Variants in DRC8 observed in about 807,000 individuals in gnomAD.
DRC8 encodes the protein dynein regulatory complex protein 8.
At chr1:245,080,974 T>C in the DRC8 span, among the ~76,000 whole-genome samples, 1 of 152,152 alleles carries the variant, frequency 6.6e-6, no homozygotes. Flanking sequence ...CGTATTCAGT[T>C]TCCTCTAGGT....
chr1:245,055,144 C>G, the DRC8 span, among the ~76,000 whole-genome samples: 1 of 152,182 alleles, frequency 6.6e-6, no homozygotes. Context: ...ATTATGTCAT[C>G]TCTCGAGGCT....
chr1:244,991,651 A>G, the DRC8 span, among the ~76,000 whole-genome samples: 2 of 152,320 alleles, frequency 1.3e-5, no homozygotes, highest in South Asian at 4.1e-4. Flanking sequence ...AGAGAAATAG[A>G]GCAGTAGGAG....
chr1:245,006,108 C>T, the DRC8 span, among the ~76,000 whole-genome samples: 1 of 152,118 alleles, frequency 6.6e-6, no homozygotes, highest in Non-Finnish European at 1.5e-5. Context: ...GTTAAGGAGT[C>T]TGAATGTTAG....
chr1:244,987,956 G>A, the DRC8 span, among the ~76,000 whole-genome samples: 7 of 152,178 alleles, frequency 4.6e-5, no homozygotes, highest in East Asian at 9.6e-4. Flanking sequence ...GATTTGACTT[G>A]TGTTTTGTTA....
chr1:245,035,793 G>C, the DRC8 span, among the ~76,000 whole-genome samples: 3 of 149,646 alleles, frequency 2.0e-5, no homozygotes, highest in Non-Finnish European at 4.4e-5. Context: ...CTGGAACCTG[G>C]AAGGCGGGGG....
chr1:245,056,664 G>A, the DRC8 span, among the ~76,000 whole-genome samples: 1 of 152,170 alleles, frequency 6.6e-6, no homozygotes. Context: ...AAGGCCGGGT[G>A]TGGTGGCTCA....
chr1:245,099,689 G>C, the DRC8 span, among the ~76,000 whole-genome samples: 1 of 152,236 alleles, frequency 6.6e-6, no homozygotes, highest in Admixed American at 6.5e-5. Flanking sequence ...GATCGCTTGA[G>C]GGGGTGGTGA....
the DRC8 span, among the ~76,000 whole-genome samples, chr1:245,114,168 A>T: frequency 6.6e-6 from 1 of 152,112 alleles, no homozygotes; most frequent in South Asian, 2.1e-4. Flanking sequence ...CTTTTTTTTA[A>T]AAATTGTCTG....
At chr1:245,084,183 G>A in the DRC8 span, among the ~76,000 whole-genome samples, 1 of 147,650 alleles carries the variant, frequency 6.8e-6, no homozygotes, top group African/African-American at 2.5e-5. Flanking sequence ...CTGGGTTCAA[G>A]TGATTCTCCT....
chr1:245,117,014 G>T, the DRC8 span, among the ~76,000 whole-genome samples: 1 of 152,136 alleles, frequency 6.6e-6, no homozygotes, highest in Non-Finnish European at 1.5e-5. Flanking sequence ...GATATCCAAG[G>T]TTAAGCAATT....
chr1:244,985,820 T>A, the DRC8 span, among the ~76,000 whole-genome samples: 1 of 149,284 alleles, frequency 6.7e-6, no homozygotes. Flanking sequence ...GCCGAGATCG[T>A]GCCACTGAAC....
At chr1:245,120,809 A>G in the DRC8 span, among the ~76,000 whole-genome samples, 1 of 152,282 alleles carries the variant, frequency 6.6e-6, no homozygotes. Context: ...GGGGTGATAC[A>G]TGAATAACGT....
At chr1:245,111,240 A>G in the DRC8 span, among the ~76,000 whole-genome samples, 2 of 152,142 alleles carry the variant, frequency 1.3e-5, no homozygotes, top group Admixed American at 1.3e-4. Context: ...CCAGGTCTGC[A>G]CTCGTGGGCA....
chr1:245,122,145 C>CTATCTACTTACAAAGCAT, the DRC8 span: 1 of 237,910 alleles, frequency 4.2e-6, no homozygotes, highest in Admixed American at 5.3e-5. Context: ...TCAAGTGATC[C>CTATCTACTTACAAAGCAT]TCCCGCCTCA....
chr1:244,997,525 C>CTTTT, the DRC8 span, among the ~76,000 whole-genome samples: 1 of 126,738 alleles, frequency 7.9e-6, no homozygotes. Flanking sequence ...TTCGTGCCAT[C>CTTTT]TTTTTTTTTT....
At chr1:245,086,873 C>T in the DRC8 span, 1 of 522,268 alleles carries the variant, frequency 1.9e-6, no homozygotes, top group Non-Finnish European at 3.9e-6. Context: ...CAGTTATCTT[C>T]CTTCCATCTT....
chr1:245,057,686 A>G, the DRC8 span, among the ~76,000 whole-genome samples: 2 of 151,370 alleles, frequency 1.3e-5, no homozygotes, highest in African/African-American at 4.9e-5. Flanking sequence ...ATGGTTGTAC[A>G]TATTTATGAG....
the DRC8 span, among the ~76,000 whole-genome samples, chr1:245,100,395 G>GTAA: frequency 1.2e-4 from 18 of 149,226 alleles, no homozygotes; most frequent in East Asian, 1.4e-3. Flanking sequence ...AAAAGTAGTA[G>GTAA]TAATAATAAT....
At chr1:245,076,488 A>G in the DRC8 span, among the ~76,000 whole-genome samples, 1 of 152,220 alleles carries the variant, frequency 6.6e-6, no homozygotes, top group Non-Finnish European at 1.5e-5. Context: ...GTACTGTAGA[A>G]CATCTGTTTT....
Sources: allele counts gnomAD v4.1 joint callset (sites outside exome capture counted in the v4.1 genomes callset), GRCh38; gene constraint gnomAD v4.1.1; transcripts MANE v1.5; gene names NCBI Gene and HGNC (gene_info 2026-07-23, HGNC 2026-07-21).